Variants in TIAM1 observed in about 807,000 individuals in gnomAD.
TIAM1 encodes rho guanine nucleotide exchange factor TIAM1.
In TIAM1, 65 loss-of-function variants were observed where a neutral mutation model predicts 163.5. The ratio of observed to expected loss-of-function variants is 0.40; its 90% confidence interval spans 0.33 to 0.49. The LOEUF is 0.49. Ranked by LOEUF, TIAM1 falls within the 20% of genes least tolerant of loss-of-function variation. The probability of loss-of-function intolerance (pLI) is 0.77; values close to 1 mark genes in which losing one functional copy is unlikely to be tolerated. For missense variants in TIAM1, 1,789 were observed against 2,044.7 expected, an observed-to-expected ratio of 0.87 and a Z score of 2.41; for synonymous variants, 833 against 810.1, an observed-to-expected ratio of 1.03 and a Z score of -0.48.
At chr21:31,504,057 C>A (rs1279144777) in intron 1 of TIAM1, among the ~76,000 whole-genome samples, 6 of 152,130 alleles carry the variant, frequency 3.9e-5, no homozygotes, top group Admixed American at 1.3e-4. Context: ...CCAATCCCTG[C>A]CCAACCTTAC....
chr21:31,506,316 CTTTT>C (rs147529188), intron 1 of TIAM1, among the ~76,000 whole-genome samples: 9,104 of 151,760 alleles, frequency 0.06, 493 homozygotes, highest in Admixed American at 0.16. Context: ...CCTTCCATAT[CTTTT>C]TTTAAGGTAT....
intron 5 of TIAM1, among the ~76,000 whole-genome samples, chr21:31,250,387 T>TC (rs1402662943): frequency 3.3e-5 from 5 of 152,116 alleles, no homozygotes; most frequent in African/African-American, 4.8e-5. Flanking sequence ...ACCAATACCC[T>TC]CCCTTCCTGT....
At chr21:31,484,705 G>A (rs1003042284) in intron 1 of TIAM1, among the ~76,000 whole-genome samples, 1 of 152,168 alleles carries the variant, frequency 6.6e-6, no homozygotes, top group Admixed American at 6.5e-5. Context: ...AGACTTTCTA[G>A]GACCGTGACC....
At chr21:31,485,399 T>C (rs1274320904) in intron 1 of TIAM1, among the ~76,000 whole-genome samples, 1 of 152,160 alleles carries the variant, frequency 6.6e-6, no homozygotes, top group Non-Finnish European at 1.5e-5. Context: ...TTTAACTCAC[T>C]GTAGCATTGT....
chr21:31,342,643 T>C (rs918362404), intron 1 of TIAM1, among the ~76,000 whole-genome samples: 4 of 152,136 alleles, frequency 2.6e-5, no homozygotes, highest in African/African-American at 9.7e-5. Flanking sequence ...AAAGGTTCCT[T>C]GTGGGGTGGA....
At chr21:31,367,493 A>C (rs1329509559) in intron 2 of TIAM1, among the ~76,000 whole-genome samples, 1 of 152,202 alleles carries the variant, frequency 6.6e-6, no homozygotes, top group Non-Finnish European at 1.5e-5. Context: ...CTTTGTGAAG[A>C]AGTCTCCATA....
rs559661100 is a variant in TIAM1 at position 31,531,410 on chromosome 21, A to G, written c.-422+27517T>C. 1.1e-3 allele frequency among the ~76,000 whole-genome samples: 174 copies of G among 151,834 alleles called. 1 individual carries two copies. The highest frequency in any genetic ancestry group is 4.0e-3 in the African/African-American group (164 of 41,434). Reference sequence around the variant, plus strand: ...AGTGAGAGGAGACTGTATGGAAGGAAGGGCAGAGGTGACCAAATAAAAAGA... The same window carrying G: ...AGTGAGAGGAGACTGTATGGAAGGAGGGGCAGAGGTGACCAAATAAAAAGA... On this transcript the variant is annotated intron_variant, in intron 1 of 28. Transcript: ENST00000286827.
At chr21:31,316,579 C>T (rs2075130065) in intron 2 of TIAM1, among the ~76,000 whole-genome samples, 1 of 152,166 alleles carries the variant, frequency 6.6e-6, no homozygotes, top group South Asian at 2.1e-4. Flanking sequence ...TGTGGTTTGA[C>T]CCTTATCGGA....
intron 2 of TIAM1, among the ~76,000 whole-genome samples, chr21:31,451,760 T>TGTGTGTGTGTGTGTGTGTGTGA (rs1491328799): frequency 7.2e-6 from 1 of 138,120 alleles, no homozygotes; most frequent in African/African-American, 2.9e-5. Context: ...TGTGTGTGTG[T>TGTGTGTGTGTGTGTGTGTGTGA]GAGACACAGA....
upstream of TIAM1, among the ~76,000 whole-genome samples, chr21:31,347,319 G>A (rs577386017): frequency 2.7e-4 from 41 of 152,266 alleles, 1 homozygote; most frequent in South Asian, 8.5e-3. Flanking sequence ...CCAGGCATTG[G>A]CCTTGGGCCT....
At chr21:31,209,939 A>C in intron 11 of TIAM1, 106 bp downstream of exon 11, 9 of 1,254,618 alleles carry the variant, frequency 7.2e-6, no homozygotes, top group Middle Eastern at 2.9e-4. Context: ...GGTGTGTTTT[A>C]AGCACCTTCC....
intron 2 of TIAM1, among the ~76,000 whole-genome samples, chr21:31,323,931 C>T (rs1601962338): frequency 6.6e-6 from 1 of 151,684 alleles, no homozygotes; most frequent in East Asian, 1.9e-4. Flanking sequence ...TCACTGGAAC[C>T]CAGGAGTTCA....
intron 2 of TIAM1, among the ~76,000 whole-genome samples, chr21:31,315,550 C>G (rs1318702598): frequency 2.6e-5 from 4 of 151,530 alleles, no homozygotes; most frequent in African/African-American, 9.7e-5. Context: ...TGGCGCATAC[C>G]TGTAATCCCA....
At chr21:31,487,447 C>G (rs1026820375) in intron 1 of TIAM1, among the ~76,000 whole-genome samples, 1 of 152,002 alleles carries the variant, frequency 6.6e-6, no homozygotes, top group Non-Finnish European at 1.5e-5. Context: ...CTCGGCTCAC[C>G]ATAACCTCCG....
At chr21:31,340,615 T>G (rs559685500) in intron 1 of TIAM1, among the ~76,000 whole-genome samples, 1 of 152,276 alleles carries the variant, frequency 6.6e-6, no homozygotes, top group Admixed American at 6.5e-5. Context: ...CCCTCCCGTC[T>G]CAGCCTCCTG....
intron 1 of TIAM1, among the ~76,000 whole-genome samples, chr21:31,557,871 A>T (rs929021083): frequency 3.3e-5 from 5 of 152,012 alleles, no homozygotes; most frequent in African/African-American, 1.2e-4. Context: ...CGGCGCCCCG[A>T]GGGCCGCCAG....
rs139595041 is a variant in TIAM1, at chr21:31,266,854, C to T, written c.119G>A (p.Arg40Lys). 3.7e-6 allele frequency: 6 copies of T among 1,614,188 alleles called. No individual in the cohort carries two copies. Among genetic ancestry groups the T allele is most frequent in the Non-Finnish European group, 5.1e-6 (6 of 1,180,050 alleles). ...LRLSHKTRRT[R>K]HASSGKVIHR... ...GATCACCTTCCCCGAGGAAGCGTGC[C>T]TGGTCCTCCGCGTCTTGTGCGAGAG... The change falls in exon 4 of 28, where the codon AGG (arginine) becomes AAG (lysine). Residue 40 changes from arginine (R) to lysine (K), a missense_variant. This residue lies in a region of TIAM1 where 555 missense variants were observed against 564.9 expected (regional missense o/e 0.98). Coordinates refer to ENST00000541036, the MANE Select transcript of TIAM1 (RefSeq NM_001353694.2).
chr21:31,439,923 G>A (rs910434658), intron 2 of TIAM1, among the ~76,000 whole-genome samples: 1 of 152,136 alleles, frequency 6.6e-6, no homozygotes, highest in Non-Finnish European at 1.5e-5. Context: ...GAACAAACCA[G>A]ACTGAGATGG....
At chr21:31,158,859 G>GA (rs2083757090) in intron 16 of TIAM1, among the ~76,000 whole-genome samples, 1 of 152,104 alleles carries the variant, frequency 6.6e-6, no homozygotes, top group African/African-American at 2.4e-5. Context: ...CCATGATGTG[G>GA]AATATAGGAG....
Sources: allele counts gnomAD v4.1 joint callset (sites outside exome capture counted in the v4.1 genomes callset), GRCh38; gene constraint gnomAD v4.1.1; regional missense constraint gnomAD v4.1.1; transcripts MANE v1.5; gene names NCBI Gene and HGNC (gene_info 2026-07-23, HGNC 2026-07-21).